NFIB: variants seen among roughly 807,000 people sequenced by gnomAD.
NFIB encodes nuclear factor I B.
NFIB carries 11 observed loss-of-function variants against 61.5 expected under a neutral mutation model. The ratio of observed to expected loss-of-function variants is 0.18; its 90% CI spans 0.11 to 0.30. The LOEUF is 0.30. NFIB is among the 10% of genes least tolerant of loss of function. The pLI is 1.00. For synonymous variants in NFIB, 260 were observed against 216.5 expected (o/e 1.20, Z -1.76); for missense variants, 471 against 608.9 (o/e 0.77, Z 2.38).
chr9:14,197,066 G>C (rs1014486040), intron 2 of NFIB, among the ~76,000 whole-genome samples: 4 of 152,286 alleles, frequency 2.6e-5, no homozygotes, highest in Non-Finnish European at 5.9e-5. Context: ...GATAAAGATA[G>C]CAAGAATACC....
At chr9:14,195,965 G>A (rs1305524157) in intron 2 of NFIB, among the ~76,000 whole-genome samples, 2 of 151,924 alleles carry the variant, frequency 1.3e-5, no homozygotes, top group Non-Finnish European at 2.9e-5. Flanking sequence ...ATATCATCCA[G>A]CAATTATTAA....
chr9:14,416,196 T>A, the NFIB span, among the ~76,000 whole-genome samples: 1 of 152,356 alleles, frequency 6.6e-6, no homozygotes, highest in South Asian at 2.1e-4. Flanking sequence ...TATACCATAA[T>A]GGTCCCATAG....
At chr9:14,182,399 T>C (rs2131464258) in intron 2 of NFIB, among the ~76,000 whole-genome samples, 1 of 152,224 alleles carries the variant, frequency 6.6e-6, no homozygotes, top group East Asian at 1.9e-4. Context: ...AGTGAGCAAA[T>C]GATAGAGCAT....
the NFIB span, among the ~76,000 whole-genome samples, chr9:14,489,610 G>A: frequency 6.6e-6 from 1 of 151,968 alleles, no homozygotes; most frequent in Non-Finnish European, 1.5e-5. Context: ...CAGGCTACTA[G>A]CCTCCTGGTT....
chr9:14,307,533 G>A lies in NFIB; in HGVS notation c.31-13C>T, dbSNP rs772546793. On this transcript the variant is annotated splice_polypyrimidine_tract_variant and intron_variant, in intron 1 of 10. Transcript: ENST00000380953. The surrounding 1 kb of genome is among the most constrained non-coding windows in gnomAD (Gnocchi z 5.3). ...GGTGAAATTCATCCTGTGGAAGACA[G>A]AGGGGTGAGGAAAAGATGTGCATAG... The A allele has an allele frequency of 6.4e-7, 1 of 1,568,908 alleles. No homozygotes were observed. The highest frequency in any genetic ancestry group is 8.6e-7 in the Non-Finnish European group (1 of 1,156,800).
At position 14,086,350 on chromosome 9, in the gene NFIB, A is replaced by AAAAC; in HGVS notation, c.*1955_*1958dup. On this transcript the variant is annotated 3_prime_UTR_variant, in exon 11 of 11. Coordinates refer to ENST00000380953, the MANE Select transcript of NFIB (RefSeq NM_001190737.2). Reference sequence around the variant, plus strand: ...ATAGCAGTACCCACTTTGGTCAATTAAAACAAACAAACAAACAAAAAAGCA... The same window carrying AAAAC: ...ATAGCAGTACCCACTTTGGTCAATTAAAACAAACAAACAAACAAACAAAAAAGCA... The AAAAC allele has an allele frequency of 4.5e-6, 1 of 220,844 alleles. No individual in the cohort carries two copies. The highest frequency in any genetic ancestry group is 9.1e-6 in the Non-Finnish European group (1 of 109,968). 13.7% of individuals were successfully genotyped at this position (220,844 alleles called of 1,614,324 possible). A position where few individuals can be genotyped will look rare whatever the true frequency, so the allele number is the denominator to read the frequency against.
At chr9:14,306,245 G>A (rs914732625) in intron 2 of NFIB, among the ~76,000 whole-genome samples, 5 of 152,046 alleles carry the variant, frequency 3.3e-5, no homozygotes, top group Admixed American at 6.6e-5. Context: ...TGTAAGCAGC[G>A]CTGCGACTTT....
rs1053467580 is a variant in NFIB, at chr9:14,112,891, T to G, written c.1467+108A>C. Reference sequence around the variant, plus strand: ...GGAAATGAAATGATCAGTTTTGGTCTCAGAAGCCCCGGGAGCCCCCTTCTG... The same window carrying G: ...GGAAATGAAATGATCAGTTTTGGTCGCAGAAGCCCCGGGAGCCCCCTTCTG... On this transcript the variant is annotated intron_variant, in intron 10 of 10. Transcript: ENST00000380953. The G allele has an allele frequency of 2.9e-5, 29 of 999,882 alleles. No individual in the cohort carries two copies. The Admixed American group carries it at 7.8e-4, about 27-fold the overall frequency. 61.9% of individuals were successfully genotyped at this position (999,882 alleles called of 1,614,324 possible).
chr9:14,365,140 AGTAAAT>A (rs1465123254), intron 1 of NFIB, among the ~76,000 whole-genome samples: 1 of 152,256 alleles, frequency 6.6e-6, no homozygotes, highest in Non-Finnish European at 1.5e-5. Context: ...CCAAGGACTT[AGTAAAT>A]GTTGGCTATT....
At chr9:14,416,924 GC>G in the NFIB span, among the ~76,000 whole-genome samples, 1 of 126,106 alleles carries the variant, frequency 7.9e-6, no homozygotes, top group African/African-American at 3.3e-5. Flanking sequence ...AAGGAGTCTT[GC>G]CCTGTTGCCC....
At chr9:14,492,190 C>T in the NFIB span, among the ~76,000 whole-genome samples, 10 of 151,934 alleles carry the variant, frequency 6.6e-5, no homozygotes, top group Middle Eastern at 3.4e-3. Flanking sequence ...AGTGAAACCC[C>T]GTCTCTACTA....
the NFIB span, among the ~76,000 whole-genome samples, chr9:14,431,119 T>C: frequency 6.6e-6 from 1 of 152,242 alleles, no homozygotes. Flanking sequence ...TTAACATTTC[T>C]GAAAACTAAC....
At position 14,083,023 on chromosome 9, in the gene NFIB, A is replaced by G. The variant is rs2032262104; in HGVS notation, c.*5286T>C. On this transcript the variant is annotated 3_prime_UTR_variant, in exon 11 of 11. Transcript: ENST00000380953. ...AGCTAGTGGCACTGAAGCGCTTTTC[A>G]CAATCTCAACATACATTTGAATTGC... is the stretch of plus-strand genomic sequence containing the variant. 2.4e-5 allele frequency: 5 copies of G among 208,614 alleles called. No individual in the cohort carries two copies. In the South Asian group the frequency reaches 9.5e-4, roughly 39 times the overall value. 12.9% of individuals were successfully genotyped at this position (208,614 alleles called of 1,614,324 possible).
intron 2 of NFIB, among the ~76,000 whole-genome samples, chr9:14,203,659 G>C (rs2049306857): frequency 6.6e-6 from 1 of 152,208 alleles, no homozygotes; most frequent in Admixed American, 6.5e-5. Context: ...AAGGGCAAAG[G>C]CCAACCCTGC....
chr9:14,384,862 G>T (rs937785998), intron 1 of NFIB, among the ~76,000 whole-genome samples: 23 of 151,930 alleles, frequency 1.5e-4, no homozygotes, highest in African/African-American at 4.6e-4. Context: ...ATCCAAGATT[G>T]TTTGATTGAT....
intron 2 of NFIB, among the ~76,000 whole-genome samples, chr9:14,280,681 A>G (rs2058314082): frequency 6.6e-6 from 1 of 152,150 alleles, no homozygotes; most frequent in South Asian, 2.1e-4. Flanking sequence ...GGGGGGACTC[A>G]GGATGACAGC....
At chr9:14,113,816 T>A (rs1405663531) in intron 9 of NFIB, among the ~76,000 whole-genome samples, 1 of 152,218 alleles carries the variant, frequency 6.6e-6, no homozygotes, top group Non-Finnish European at 1.5e-5. Flanking sequence ...TGGTGACTAT[T>A]CCTTACATTG....
the NFIB span, among the ~76,000 whole-genome samples, chr9:14,524,239 T>C: frequency 6.6e-6 from 1 of 152,204 alleles, no homozygotes; most frequent in African/African-American, 2.4e-5. Context: ...AATCTTATAT[T>C]CACACATAAT....
the NFIB span, among the ~76,000 whole-genome samples, chr9:14,504,693 C>A: frequency 6.6e-6 from 1 of 152,158 alleles, no homozygotes; most frequent in Non-Finnish European, 1.5e-5. Context: ...TATCCTGAAG[C>A]TTTGCTGAAT....
Sources: allele counts gnomAD v4.1 joint callset (sites outside exome capture counted in the v4.1 genomes callset), GRCh38; gene constraint gnomAD v4.1.1; non-coding constraint Gnocchi (gnomAD v3.1); transcripts MANE v1.5; gene names NCBI Gene and HGNC (gene_info 2026-07-23, HGNC 2026-07-21).